GPC5: variants seen among roughly 807,000 people sequenced by gnomAD.
The protein encoded by GPC5 is glypican 5, also known as glypican-5.
Under a neutral mutation model 53.9 loss-of-function variants are expected in GPC5, and 47 were observed. The ratio of observed to expected loss-of-function variants is 0.87; its 90% CI spans 0.69 to 1.11. The LOEUF is 1.11. Ranked by LOEUF, GPC5 falls within the 50% of genes most tolerant of loss-of-function variation. The pLI is 0.00. For synonymous variants in GPC5, 286 were observed against 263.3 expected (o/e 1.09, Z -0.84); for missense variants, 748 against 713.1 (o/e 1.05, Z -0.56).
At chr13:91,569,555 T>C (rs375735440) in intron 2 of GPC5, among the ~76,000 whole-genome samples, 1 of 152,264 alleles carries the variant, frequency 6.6e-6, no homozygotes, top group East Asian at 1.9e-4. Flanking sequence ...TAACCCCCAA[T>C]GAGAATGCAT....
intron 6 of GPC5, among the ~76,000 whole-genome samples, chr13:91,957,841 C>T (rs2040088174): frequency 6.6e-6 from 1 of 151,888 alleles, no homozygotes; most frequent in African/African-American, 2.4e-5. Context: ...ATCATAAAAA[C>T]ACATGAAAAT....
intron 6 of GPC5, among the ~76,000 whole-genome samples, chr13:91,972,260 T>C (rs887415918): frequency 1.1e-4 from 16 of 152,328 alleles, no homozygotes; most frequent in Admixed American, 1.0e-3. Flanking sequence ...TGGTTTAAAG[T>C]CTGTTTTATC....
rs574907703 is a variant in GPC5 at position 92,705,391 on chromosome 13, T to C, written c.1562-160891T>C. 1.4e-4 allele frequency among the ~76,000 whole-genome samples: 21 copies of C among 152,242 alleles called. No homozygotes were observed. In the South Asian group the frequency reaches 4.4e-3, roughly 32 times the overall value. On this transcript the variant is annotated intron_variant, in intron 7 of 7. Transcript: ENST00000377067. ...GAATTTTATTCTGAGTAAGTTTTTA[T>C]AGGGCAATGTCTACTACAGAAGCAC...
intron 2 of GPC5, among the ~76,000 whole-genome samples, chr13:91,490,224 G>T (rs979978954): frequency 1.3e-5 from 2 of 152,160 alleles, no homozygotes; most frequent in South Asian, 2.1e-4. Context: ...GATGGAAATA[G>T]AATTAAATCG....
chr13:91,665,592 TC>T (rs1454666766), intron 2 of GPC5, among the ~76,000 whole-genome samples: 5 of 151,392 alleles, frequency 3.3e-5, no homozygotes, highest in African/African-American at 1.2e-4. Flanking sequence ...AAGCTCCGCC[TC>T]CCAGGTTCAT....
chr13:91,753,715 T>A (rs1039407477), intron 4 of GPC5, among the ~76,000 whole-genome samples: 1 of 152,202 alleles, frequency 6.6e-6, no homozygotes, highest in Admixed American at 6.5e-5. Context: ...TTCATTCCCA[T>A]AAGCACAGTC....
chr13:91,545,580 A>G (rs1194079757), intron 2 of GPC5, among the ~76,000 whole-genome samples: 1 of 152,086 alleles, frequency 6.6e-6, no homozygotes, highest in African/African-American at 2.4e-5. Flanking sequence ...CCCTTTTATC[A>G]TATTTTAAGG....
At chr13:91,435,240 A>T (rs1879836397) in intron 1 of GPC5, among the ~76,000 whole-genome samples, 1 of 152,150 alleles carries the variant, frequency 6.6e-6, no homozygotes, top group Admixed American at 6.5e-5. Flanking sequence ...AGGCGTGGTG[A>T]GAGAGGGCAT....
At chr13:91,980,881 C>T (rs917267576) in intron 6 of GPC5, among the ~76,000 whole-genome samples, 3 of 152,094 alleles carry the variant, frequency 2.0e-5, no homozygotes, top group African/African-American at 7.2e-5. Context: ...TGTCTTTCAC[C>T]CCAAATTATA....
intron 7 of GPC5, among the ~76,000 whole-genome samples, chr13:92,722,322 T>C (rs9556204): frequency 0.052 from 7,867 of 152,078 alleles, 597 homozygotes; most frequent in East Asian, 0.32. Context: ...TTTACTTATA[T>C]AGACACTATC....
intron 4 of GPC5, among the ~76,000 whole-genome samples, chr13:91,750,741 CG>C (rs956270786): frequency 2.3e-5 from 3 of 128,382 alleles, no homozygotes; most frequent in Non-Finnish European, 3.1e-5. Flanking sequence ...AGTGCAATGG[CG>C]CCATCTTGGC....
intron 6 of GPC5, among the ~76,000 whole-genome samples, chr13:92,118,059 T>C (rs1348801029): frequency 6.6e-6 from 1 of 152,136 alleles, no homozygotes; most frequent in Non-Finnish European, 1.5e-5. Flanking sequence ...CGCCATTAAG[T>C]GTAATTTAGT....
intron 7 of GPC5, among the ~76,000 whole-genome samples, chr13:92,798,802 A>G (rs2138784502): frequency 6.6e-6 from 1 of 151,972 alleles, no homozygotes; most frequent in East Asian, 1.9e-4. Flanking sequence ...AAAAATACCA[A>G]ACACTCAAAA....
chr13:92,474,400 G>A (rs1290708201), intron 7 of GPC5, among the ~76,000 whole-genome samples: 1 of 151,980 alleles, frequency 6.6e-6, no homozygotes, highest in Non-Finnish European at 1.5e-5. Context: ...TTGTGTTACG[G>A]TGGCCATTTG....
intron 2 of GPC5, among the ~76,000 whole-genome samples, chr13:91,550,220 G>C (rs1029782728): frequency 2.6e-5 from 4 of 152,100 alleles, no homozygotes; most frequent in African/African-American, 9.7e-5. Flanking sequence ...AAGATGAGGG[G>C]TTGCAGGGAT....
At chr13:92,206,205 G>A (rs1233206287) in intron 7 of GPC5, among the ~76,000 whole-genome samples, 2 of 132,494 alleles carry the variant, frequency 1.5e-5, no homozygotes, top group South Asian at 2.5e-4. Context: ...TCGGTCTGTC[G>A]CCCAGGCTGG....
intron 5 of GPC5, among the ~76,000 whole-genome samples, chr13:91,830,984 TTATATA>T (rs1242631959): frequency 2.2e-5 from 3 of 136,626 alleles, no homozygotes. Context: ...ATATATCCTA[TTATATA>T]TATAATATAT....
At chr13:91,944,567 T>C (rs112135091) in intron 6 of GPC5, among the ~76,000 whole-genome samples, 3,712 of 152,312 alleles carry the variant, frequency 0.024, 144 homozygotes, top group African/African-American at 0.085. Context: ...CTAGTTGTTA[T>C]AGTTGAATTA....
intron 7 of GPC5, among the ~76,000 whole-genome samples, chr13:92,286,831 A>C (rs1566520494): frequency 6.6e-6 from 1 of 152,134 alleles, no homozygotes; most frequent in African/African-American, 2.4e-5. Context: ...ACATGTATAC[A>C]TATGTAACAA....
Sources: gnomAD v4.1 joint callset for allele counts (sites outside exome capture counted in the v4.1 genomes callset) on GRCh38, gnomAD v4.1.1 for gene constraint, MANE v1.5 for transcripts, NCBI Gene and HGNC (gene_info 2026-07-23, HGNC 2026-07-21) for gene names.